The following PALLD variants were observed in gnomAD, a reference collection of about 807,000 sequenced individuals.
The protein encoded by PALLD is palladin.
In PALLD, 61 loss-of-function variants were observed where a neutral mutation model predicts 123.5. That is an observed-to-expected ratio of 0.49 (90% CI 0.40 to 0.61). The LOEUF is 0.61. Among genes scored for constraint, PALLD ranks in the 20% least tolerant of loss-of-function variants. The pLI, the probability that PALLD is intolerant of heterozygous loss-of-function variation, is 0.00. For synonymous variants in PALLD, 465 were observed against 496.4 expected (o/e 0.94, Z 0.84); for missense variants, 1,273 against 1,377.0 (o/e 0.92, Z 1.20).
At chr4:168,556,994 T>A (rs926169762) in intron 2 of PALLD, among the ~76,000 whole-genome samples, 3 of 151,128 alleles carry the variant, frequency 2.0e-5, no homozygotes, top group African/African-American at 7.3e-5. Context: ...CCGGGAACTG[T>A]CAGTATTCAA....
In PALLD at chr4:168,686,879, C is replaced by T. The variant is rs115017006; in HGVS notation, c.1335+1320C>T. On this transcript the variant is annotated intron_variant, in intron 6 of 21. Coordinates refer to ENST00000505667, the MANE Select transcript of PALLD (RefSeq NM_001166108.2). ...GGATTTGTCCTATAAGATAGCAAGA[C>T]GTTTTAAAGGTATAGTAATTAGGAC... 3.9e-5 allele frequency among the ~76,000 whole-genome samples: 6 copies of T among 152,214 alleles called. No individual in the cohort carries two copies. In the South Asian group the frequency reaches 8.3e-4, roughly 21 times the overall value.
intron 10 of PALLD, among the ~76,000 whole-genome samples, chr4:168,887,130 A>AG (rs1269122291): frequency 8.4e-6 from 1 of 119,198 alleles, no homozygotes; most frequent in Non-Finnish European, 1.9e-5. Flanking sequence ...AAAAAAAAAA[A>AG]AAGAAAAAGA....
chr4:168,742,120 T>C (rs1788409612), intron 10 of PALLD, among the ~76,000 whole-genome samples: 1 of 152,174 alleles, frequency 6.6e-6, no homozygotes, highest in African/African-American at 2.4e-5. Context: ...GAGGAAGCCA[T>C]ATGGATGGTG....
intron 2 of PALLD, among the ~76,000 whole-genome samples, chr4:168,658,686 T>C (rs1778844989): frequency 6.6e-6 from 1 of 152,168 alleles, no homozygotes; most frequent in Non-Finnish European, 1.5e-5. Flanking sequence ...AAAGGCAAGA[T>C]AAAATCATTT....
chr4:168,545,825 AG>A (rs1316596236), intron 2 of PALLD, among the ~76,000 whole-genome samples: 3 of 152,216 alleles, frequency 2.0e-5, no homozygotes, highest in Non-Finnish European at 4.4e-5. Flanking sequence ...CACTTCCTAC[AG>A]TCAGAAAGAG....
chr4:168,645,848 C>T lies in PALLD; in HGVS notation c.909-22342C>T, dbSNP rs562331946. Among the ~76,000 whole-genome samples, 229 of 152,252 alleles carry T rather than the reference C, an allele frequency of 1.5e-3. 1 individual carries two copies. The highest frequency in any genetic ancestry group is 2.5e-3 in the Non-Finnish European group (171 of 68,038). ...GAGTCTGAGTTGCTGACCTTGGCCC[C>T]ATTAGCACCGTTCTCTAACCAGCTC... On this transcript the variant is annotated intron_variant, in intron 2 of 21. Coordinates refer to ENST00000505667, the MANE Select transcript of PALLD (RefSeq NM_001166108.2).
intron 2 of PALLD, among the ~76,000 whole-genome samples, chr4:168,607,534 A>G (rs1773308233): frequency 6.6e-6 from 1 of 152,202 alleles, no homozygotes; most frequent in Non-Finnish European, 1.5e-5. Context: ...TAATACTTAT[A>G]ACAGATAATA....
intron 10 of PALLD, among the ~76,000 whole-genome samples, chr4:168,775,193 A>G (rs1581408768): frequency 1.3e-5 from 2 of 152,128 alleles, no homozygotes; most frequent in South Asian, 2.1e-4. Flanking sequence ...TCCACATCCT[A>G]GTCTGCACAT....
At chr4:168,901,367 C>T (rs986249981) in intron 14 of PALLD, among the ~76,000 whole-genome samples, 2 of 152,036 alleles carry the variant, frequency 1.3e-5, no homozygotes, top group African/African-American at 4.8e-5. Context: ...GTGCTTGTGC[C>T]CTCCCGAATT....
chr4:168,860,309 A>G (rs1338374480), intron 10 of PALLD, among the ~76,000 whole-genome samples: 1 of 152,230 alleles, frequency 6.6e-6, no homozygotes, highest in Non-Finnish European at 1.5e-5. Flanking sequence ...AGCCATGCAC[A>G]GCTGGACAGA....
chr4:168,594,823 C>T (rs1032968447), intron 2 of PALLD, among the ~76,000 whole-genome samples: 1 of 152,096 alleles, frequency 6.6e-6, no homozygotes, highest in Non-Finnish European at 1.5e-5. Context: ...AGCTATTTTA[C>T]ACCCATAGTA....
chr4:168,685,234 C>T (rs1003414008), intron 5 of PALLD, among the ~76,000 whole-genome samples: 1 of 152,166 alleles, frequency 6.6e-6, no homozygotes, highest in Non-Finnish European at 1.5e-5. Flanking sequence ...TTTAAAAGCT[C>T]GTGGATCCCC....
intron 1 of PALLD, among the ~76,000 whole-genome samples, chr4:168,499,512 T>C (rs28483097): frequency 0.027 from 3,964 of 149,506 alleles, 174 homozygotes; most frequent in African/African-American, 0.092. Context: ...TTTGTATCAA[T>C]GGTTTGCATT....
At chr4:168,625,502 G>GATAGATAGATAGATAGATAGATAGAT in intron 2 of PALLD, among the ~76,000 whole-genome samples, 3 of 114,474 alleles carry the variant, frequency 2.6e-5, no homozygotes, top group Admixed American at 1.0e-4. Context: ...ATATCCAGGA[G>GATAGATAGATAGATAGATAGATAGAT]ATATATATAT....
intron 2 of PALLD, among the ~76,000 whole-genome samples, chr4:168,615,299 A>C (rs183510193): frequency 7.3e-4 from 111 of 152,356 alleles, no homozygotes; most frequent in Admixed American, 1.5e-3. Flanking sequence ...TTTTTGTAAC[A>C]GCTACATTGT....
chr4:168,914,224 G>GTT, intron 16 of PALLD: 1 of 583,940 alleles, frequency 1.7e-6, no homozygotes, highest in Non-Finnish European at 3.0e-6. Flanking sequence ...TCGCTAATGT[G>GTT]TGCTAAGCCC....
chr4:168,752,241 G>A lies in PALLD; in HGVS notation c.1964+40318G>A, dbSNP rs770353411. ...GTCCAAAAATTAGCTGGGCTTGGCG[G>A]CATGCGCCTGTAGTCCCAGCTACTC... is the stretch of plus-strand genomic sequence containing the variant. On this transcript the variant is annotated intron_variant, in intron 10 of 21. Coordinates refer to ENST00000505667, the MANE Select transcript of PALLD (RefSeq NM_001166108.2). Among the ~76,000 whole-genome samples the A allele has an allele frequency of 6.6e-5, 10 of 152,228 alleles. No homozygotes were observed. In the East Asian group the frequency reaches 1.2e-3, roughly 18 times the overall value.
At chr4:168,876,533 T>TA in intron 10 of PALLD, among the ~76,000 whole-genome samples, 1 of 152,238 alleles carries the variant, frequency 6.6e-6, no homozygotes, top group Admixed American at 6.5e-5. Context: ...CTCATGGACT[T>TA]AAGTGTAATC....
At chr4:168,667,589 C>T (rs1181079551) in intron 2 of PALLD, among the ~76,000 whole-genome samples, 8 of 152,124 alleles carry the variant, frequency 5.3e-5, no homozygotes, top group African/African-American at 1.2e-4. Flanking sequence ...AAAGTGCTGA[C>T]GAGCAAGAAT....
Sources: allele counts gnomAD v4.1 joint callset (sites outside exome capture counted in the v4.1 genomes callset), GRCh38; gene constraint gnomAD v4.1.1; transcripts MANE v1.5; gene names NCBI Gene and HGNC (gene_info 2026-07-23, HGNC 2026-07-21).